Variants in TNIP2 observed in about 807,000 individuals in gnomAD.
The protein encoded by TNIP2 is TNFAIP3-interacting protein 2.
In TNIP2, 30 loss-of-function variants were observed where a neutral mutation model predicts 43.7. The ratio of observed to expected loss-of-function variants is 0.69; its 90% CI spans 0.51 to 0.93. TNIP2 has a LOEUF of 0.93. Ranked by LOEUF, TNIP2 falls within the 40% of genes least tolerant of loss-of-function variation. The probability of loss-of-function intolerance (pLI) is 0.00; values close to 1 mark genes in which losing one functional copy is unlikely to be tolerated. For missense variants in TNIP2, 599 were observed against 591.0 expected (o/e 1.01, Z -0.14); for synonymous variants, 260 against 254.6 (o/e 1.02, Z -0.20).
At chr4:2,754,236 T>C (rs753417390) in intron 1 of TNIP2, among the ~76,000 whole-genome samples, 2 of 152,256 alleles carry the variant, frequency 1.3e-5, no homozygotes, top group African/African-American at 2.4e-5. Context: ...ACTAGGATAA[T>C]AGCCATGAAT....
intron 2 of TNIP2, chr4:2,746,000 G>A (rs1721939069): frequency 5.7e-6 from 1 of 175,726 alleles, no homozygotes; most frequent in Non-Finnish European, 1.2e-5. Flanking sequence ...CAGCTGCCCA[G>A]GGTGGGCCTG....
In TNIP2 at chr4:2,744,430, T is replaced by C. The variant is rs1230557134; in HGVS notation, c.983A>G (p.Glu328Gly). ...ERAQSRIQEL[E>G]EKVASLLHQV... ...GTGCAGCAAAGAGGCGACCTTTTCCTCCAGTTCTTGAATCCTACTTTGAGC... is the reference window on the plus strand; with the variant it reads ...GTGCAGCAAAGAGGCGACCTTTTCCCCCAGTTCTTGAATCCTACTTTGAGC... The change falls in exon 5 of 6, where the codon GAG (glutamate) becomes GGG (glycine). Residue 328 changes from glutamate to glycine, a missense_variant. Glu to Gly is a moderately conservative substitution (Grantham distance 98). Transcript: ENST00000315423. This position sits in a 1 kb window ranked among gnomAD's most constrained non-coding sequence, Gnocchi z 5.1. 1 of 1,614,182 alleles carries C rather than the reference T, an allele frequency of 6.2e-7. No homozygotes were observed. Among genetic ancestry groups the C allele is most frequent in the South Asian group, 1.1e-5 (1 of 91,082 alleles).
intron 1 of TNIP2, among the ~76,000 whole-genome samples, chr4:2,750,419 ATTATTATTATTATT>A (rs1722071039): frequency 2.0e-5 from 3 of 148,962 alleles, no homozygotes; most frequent in Admixed American, 1.3e-4. Flanking sequence ...TATTATTATT[ATTATTATTATTATT>A]TTATTATTTT....
At chr4:2,751,374 CA>C (rs1722098933) in intron 1 of TNIP2, among the ~76,000 whole-genome samples, 1 of 152,234 alleles carries the variant, frequency 6.6e-6, no homozygotes, top group African/African-American at 2.4e-5. Context: ...GCTCAGAACA[CA>C]AAAGTGTAAA....
intron 3 of TNIP2, chr4:2,745,220 G>A: frequency 3.3e-6 from 2 of 606,364 alleles, no homozygotes; most frequent in Non-Finnish European, 5.8e-6. Flanking sequence ...GCTAACTCTT[G>A]CATCTCCTTT....
Position 2,744,606 on chromosome 4 carries a change from C to G in TNIP2, c.906+91G>C. 6.3e-7 allele frequency: 1 copy of G among 1,594,714 alleles called. No individual in the cohort carries two copies. On this transcript the variant is annotated intron_variant, in intron 4 of 5. Coordinates refer to ENST00000315423, the MANE Select transcript of TNIP2 (RefSeq NM_024309.4). This position sits in a 1 kb window ranked among gnomAD's most constrained non-coding sequence, Gnocchi z 5.1. The stretch of plus-strand genomic sequence containing the variant: ...GTGACCACTGCCCACTCAGTGCCAC[C>G]AAGCCTTCAGCCCAGCCTGTCCCAT...
chr4:2,744,518 C>T lies in TNIP2; in HGVS notation c.907-12G>A, dbSNP rs762109247. Reference sequence around the variant, plus strand: ...TTGTAAGCGAGAATCTGAAGAGAGGCGAGACACACATTTCTGCTCAAGGAA... The same window carrying T: ...TTGTAAGCGAGAATCTGAAGAGAGGTGAGACACACATTTCTGCTCAAGGAA... On this transcript the variant is annotated splice_polypyrimidine_tract_variant and intron_variant, in intron 4 of 5. Coordinates refer to ENST00000315423, the MANE Select transcript of TNIP2 (RefSeq NM_024309.4). This position sits in a 1 kb window ranked among gnomAD's most constrained non-coding sequence, Gnocchi z 5.1. 26 of 1,613,952 alleles carry T rather than the reference C, an allele frequency of 1.6e-5. No homozygotes were observed. Among genetic ancestry groups the T allele is most frequent in the African/African-American group, 5.3e-5 (4 of 74,892 alleles).
intron 3 of TNIP2, chr4:2,745,207 G>A (rs1330723965): frequency 3.3e-6 from 2 of 606,740 alleles, no homozygotes; most frequent in East Asian, 2.8e-5. Context: ...TGGACCTCCT[G>A]CTGCTAACTC....
intron 1 of TNIP2, 115 bp downstream of exon 1, chr4:2,755,899 C>G: frequency 7.5e-7 from 1 of 1,336,684 alleles, no homozygotes; most frequent in Non-Finnish European, 9.6e-7. Context: ...AACCCCAGGA[C>G]CCAGTACCCC....
At chr4:2,752,840 T>A (rs1266639793) in intron 1 of TNIP2, among the ~76,000 whole-genome samples, 1 of 152,096 alleles carries the variant, frequency 6.6e-6, no homozygotes, top group Non-Finnish European at 1.5e-5. Flanking sequence ...GGCCAGGAGT[T>A]TGAGACCAGC....
Position 2,744,849 on chromosome 4 carries a change from G to C in TNIP2, c.754C>G (p.His252Asp), listed in dbSNP as rs545386663. 5.5e-5 allele frequency: 89 copies of C among 1,613,940 alleles called. No homozygotes were observed. In the South Asian group the frequency reaches 9.8e-4, roughly 18 times the overall value. The change falls in exon 4 of 6, where the codon CAC becomes GAC. Residue 252 changes from histidine to aspartate, a missense_variant. His to Asp is a moderately conservative substitution (Grantham distance 81, BLOSUM62 -1). Transcript: ENST00000315423. This position sits in a 1 kb window ranked among gnomAD's most constrained non-coding sequence, Gnocchi z 5.1. ...HAQLRGLQIP[H>D]EPELMRKEIS... ...TCCTTCCTCATCAGCTCGGGCTCGT[G>C]GGGGATCTGCAGCCCCCTGAGCTGC... is the stretch of plus-strand genomic sequence containing the variant.
chr4:2,751,829 G>A (rs540441099), intron 1 of TNIP2, among the ~76,000 whole-genome samples: 4 of 151,562 alleles, frequency 2.6e-5, no homozygotes, highest in Non-Finnish European at 4.4e-5. Flanking sequence ...AAGGTGGCCC[G>A]GGGCGGTGGC....
intron 2 of TNIP2, 39 bp downstream of exon 2, chr4:2,747,616 C>A (rs16843344): frequency 0.038 from 59,126 of 1,566,444 alleles, 1,337 homozygotes; most frequent in African/African-American, 0.068. Context: ...TCCCAGCACA[C>A]AGAGGTCTTC....
intron 1 of TNIP2, among the ~76,000 whole-genome samples, 167 bp from the exon 2 acceptor site, chr4:2,748,112 G>A (rs1055027503): frequency 6.6e-6 from 1 of 152,236 alleles, no homozygotes; most frequent in Non-Finnish European, 1.5e-5. Context: ...CTCAGAAGTT[G>A]GGCATTTGAA....
rs1466805436 is a variant in TNIP2, at chr4:2,741,868, A to T, written c.*389T>A. On this transcript the variant is annotated 3_prime_UTR_variant, in exon 6 of 6. Transcript: ENST00000315423. ...AGGCAGAGAGGCGACGCTTTATTCC[A>T]TAGAACAGGATGGGGCTCCCACCCT... The T allele has an allele frequency of 5.7e-6, 1 of 176,002 alleles. No individual in the cohort carries two copies. Among genetic ancestry groups the T allele is most frequent in the Non-Finnish European group, 1.2e-5 (1 of 84,286 alleles). 10.9% of individuals were successfully genotyped at this position (176,002 alleles called of 1,614,324 possible). A position where few individuals can be genotyped will look rare whatever the true frequency, so the allele number is the denominator to read the frequency against.
At chr4:2,754,772 T>C (rs940427267) in intron 1 of TNIP2, among the ~76,000 whole-genome samples, 1 of 151,908 alleles carries the variant, frequency 6.6e-6, no homozygotes, top group Non-Finnish European at 1.5e-5. Context: ...GTCACCCAGG[T>C]TGGAGTGCAG....
At chr4:2,745,598 G>A in intron 2 of TNIP2, 63 bp from the exon 3 acceptor site, 1 of 1,199,086 alleles carries the variant, frequency 8.3e-7, no homozygotes, top group Non-Finnish European at 1.2e-6. Context: ...GAGAAAGCTA[G>A]ACCCAGAGGC....
chr4:2,752,399 G>A (rs899002583), intron 1 of TNIP2, among the ~76,000 whole-genome samples: 1 of 152,174 alleles, frequency 6.6e-6, no homozygotes, highest in Non-Finnish European at 1.5e-5. Context: ...AAGGTCTCAA[G>A]TCCAGCTGTG....
At chr4:2,746,699 G>A (rs934163643) in intron 2 of TNIP2, among the ~76,000 whole-genome samples, 2 of 152,238 alleles carry the variant, frequency 1.3e-5, no homozygotes, top group African/African-American at 4.8e-5. Flanking sequence ...TGCTGCCTCA[G>A]AGAACTGCCT....
Sources: gnomAD v4.1 joint callset for allele counts (sites outside exome capture counted in the v4.1 genomes callset) on GRCh38, gnomAD v4.1.1 for gene constraint, Gnocchi (gnomAD v3.1) non-coding constraint, MANE v1.5 for transcripts, NCBI Gene and HGNC (gene_info 2026-07-23, HGNC 2026-07-21) for gene names.